The following RUBCN variants were observed in gnomAD, a reference collection of about 807,000 sequenced individuals.
RUBCN encodes the protein run domain Beclin-1-interacting and cysteine-rich domain-containing protein.
RUBCN carries 74 observed loss-of-function variants against 113.2 expected under a neutral mutation model. The observed-to-expected ratio is 0.65, with a 90% confidence interval of 0.54 to 0.79. The LOEUF (loss-of-function observed/expected upper bound fraction) is 0.79, where lower values mean the gene tolerates loss of function less well. Ranked by LOEUF, RUBCN falls within the 30% of genes least tolerant of loss-of-function variation. The probability of loss-of-function intolerance (pLI) is 0.00; values close to 1 mark genes in which losing one functional copy is unlikely to be tolerated. For synonymous variants in RUBCN, 480 were observed against 490.0 expected (o/e 0.98, Z 0.27); for missense variants, 1,109 against 1,251.7 (o/e 0.89, Z 1.72).
intron 2 of RUBCN, among the ~76,000 whole-genome samples, chr3:197,709,713 G>A (rs1724741663): frequency 6.6e-6 from 1 of 152,026 alleles, no homozygotes; most frequent in South Asian, 2.1e-4. Flanking sequence ...GAGTGGTGAT[G>A]GCAAATAAAC....
chr3:197,670,527 CT>C lies in RUBCN; in HGVS notation c.*4490del, dbSNP rs1452287145. On this transcript the variant is annotated 3_prime_UTR_variant, in exon 20 of 20. Transcript: ENST00000296343. ...GTTTGGGAACTTACTGGAAATCAAG[CT>C]TTGGCTTCCTGTGAACTACACCAGT... 6.6e-6 allele frequency among the ~76,000 whole-genome samples: 1 copy of C among 152,298 alleles called. No individual in the cohort carries two copies. The highest frequency in any genetic ancestry group is 1.9e-4 in the East Asian group (1 of 5,182).
Position 197,670,071 on chromosome 3 carries a change from T to C in RUBCN, c.*4947A>G, listed in dbSNP as rs1719641832. ...GCCCAACTAGCTTTTGTATTTTTAG[T>C]AGAGACAAGGTTTCACCATGTTGGC... On this transcript the variant is annotated 3_prime_UTR_variant, in exon 20 of 20. Coordinates refer to ENST00000296343, the MANE Select transcript of RUBCN (RefSeq NM_014687.4). Among the ~76,000 whole-genome samples, 1 of 152,178 alleles carries C rather than the reference T, an allele frequency of 6.6e-6. No homozygotes were observed. Among genetic ancestry groups the C allele is most frequent in the South Asian group, 2.1e-4 (1 of 4,836 alleles).
At chr3:197,703,740 G>T in intron 4 of RUBCN, 86 bp from the exon 5 acceptor site, 1 of 802,490 alleles carries the variant, frequency 1.2e-6, no homozygotes. Flanking sequence ...GAGAGGTAAG[G>T]ATGAATGAGG....
chr3:197,725,431 G>T (rs1384994592), intron 1 of RUBCN, among the ~76,000 whole-genome samples: 1 of 150,822 alleles, frequency 6.6e-6, no homozygotes, highest in Admixed American at 6.6e-5. Context: ...AAACATACTT[G>T]ACTCTCTTAT....
chr3:197,736,823 G>A lies in RUBCN; in HGVS notation c.-104C>T. The A allele has an allele frequency of 7.0e-7, 1 of 1,432,190 alleles. No homozygotes were observed. The highest frequency in any genetic ancestry group is 2.8e-5 in the Admixed American group (1 of 35,932). 88.7% of individuals were successfully genotyped at this position (1,432,190 alleles called of 1,614,324 possible). On this transcript the variant is annotated 5_prime_UTR_variant, in exon 1 of 20. Coordinates refer to ENST00000296343, the MANE Select transcript of RUBCN (RefSeq NM_014687.4). ...GGGCCGGAGGAGGCACCTGCGGCCG[G>A]TGGGCTCCGGGTGATGCGCTACACC... is the stretch of plus-strand genomic sequence containing the variant.
At chr3:197,693,955 T>G (rs114263177) in intron 10 of RUBCN, 139 bp from the exon 11 acceptor site, 1 of 674,372 alleles carries the variant, frequency 1.5e-6, no homozygotes, top group South Asian at 1.6e-5. Flanking sequence ...TTCAAGTAAA[T>G]AGAAGGTACT....
chr3:197,732,406 C>T lies in RUBCN; in HGVS notation c.65+4249G>A, dbSNP rs181460784. 8.4e-4 allele frequency among the ~76,000 whole-genome samples: 128 copies of T among 152,274 alleles called. 1 individual carries two copies. The highest frequency in any genetic ancestry group is 2.6e-3 in the African/African-American group (108 of 41,558). The stretch of plus-strand genomic sequence containing the variant: ...TCGGCTCACTGCAAGCTCCGCCTCC[C>T]GGGTTCACGCCATTCTCCTGCCTCA... On this transcript the variant is annotated intron_variant, in intron 1 of 19. Coordinates refer to ENST00000296343, the MANE Select transcript of RUBCN (RefSeq NM_014687.4).
intron 1 of RUBCN, among the ~76,000 whole-genome samples, chr3:197,745,100 C>T (rs1293996516): frequency 6.6e-6 from 1 of 150,998 alleles, no homozygotes; most frequent in Non-Finnish European, 1.5e-5. Context: ...TCCTGGCCAA[C>T]ATGGTGAAAC....
intron 1 of RUBCN, among the ~76,000 whole-genome samples, chr3:197,722,872 G>C (rs1435203702): frequency 6.6e-6 from 1 of 152,128 alleles, no homozygotes; most frequent in Non-Finnish European, 1.5e-5. Flanking sequence ...ATTCTTGGAA[G>C]CAGCATACGG....
chr3:197,736,744 G>T lies in RUBCN; in HGVS notation c.-25C>A. On this transcript the variant is annotated 5_prime_UTR_variant, in exon 1 of 20. Coordinates refer to ENST00000296343, the MANE Select transcript of RUBCN (RefSeq NM_014687.4). ...TCCGGGGCGGTGAGGCCGCCTCTTC[G>T]CCCAAGAGAGGCGTCCCTGCCGCTT... The T allele has an allele frequency of 6.5e-7, 1 of 1,527,740 alleles. No homozygotes were observed. The highest frequency in any genetic ancestry group is 8.7e-7 in the Non-Finnish European group (1 of 1,144,204). The allele number at this position is 1,527,740 out of a possible 1,614,324, so 94.6% of individuals were successfully genotyped here. A position where few individuals can be genotyped will look rare whatever the true frequency, so the allele number is the denominator to read the frequency against.
At chr3:197,701,251 G>A (rs1452025703) in intron 6 of RUBCN, 105 bp from the exon 7 acceptor site, 3 of 1,040,496 alleles carry the variant, frequency 2.9e-6, no homozygotes, top group Non-Finnish European at 4.1e-6. Flanking sequence ...CTCAGAAACG[G>A]CAAGCCAAAT....
chr3:197,717,835 C>T (rs1725715626), intron 2 of RUBCN, 142 bp downstream of exon 2: 3 of 841,114 alleles, frequency 3.6e-6, no homozygotes, highest in Non-Finnish European at 5.9e-6. Flanking sequence ...GTGAAACGTT[C>T]TGTATATTAA....
At chr3:197,749,782 G>A, upstream of RUBCN, 1 of 541,054 alleles carries the variant, frequency 1.8e-6, no homozygotes, top group Non-Finnish European at 3.4e-6. Flanking sequence ...AGCGAGTCAC[G>A]GCGCGGGGCC....
At chr3:197,700,498 G>T in intron 7 of RUBCN, 115 bp downstream of exon 7, 1 of 946,266 alleles carries the variant, frequency 1.1e-6, no homozygotes, top group Non-Finnish European at 1.7e-6. Context: ...ATAAGATGTT[G>T]TATCACCAGA....
Position 197,674,851 on chromosome 3 carries a change from TG to T in RUBCN, c.*166del. ...CTGGACCCATCAACCTGCCGACGGC[TG>T]ACTGCACACAGACGTCAGACAAGTC... is the stretch of plus-strand genomic sequence containing the variant. On this transcript the variant is annotated 3_prime_UTR_variant, in exon 20 of 20. Coordinates refer to ENST00000296343, the MANE Select transcript of RUBCN (RefSeq NM_014687.4). 2 of 580,600 alleles carry T rather than the reference TG, an allele frequency of 3.4e-6. No homozygotes were observed. The highest frequency in any genetic ancestry group is 2.6e-5 in the South Asian group (1 of 38,664). The allele number at this position is 580,600 out of a possible 1,614,324, so 36.0% of individuals were successfully genotyped here.
chr3:197,740,977 A>G (rs1728503765), upstream of RUBCN, among the ~76,000 whole-genome samples: 1 of 152,174 alleles, frequency 6.6e-6, no homozygotes, highest in South Asian at 2.1e-4. Context: ...AAATTGTCTA[A>G]CAACAACTAA....
chr3:197,711,796 G>A (rs1238539824), intron 2 of RUBCN, among the ~76,000 whole-genome samples: 2 of 151,934 alleles, frequency 1.3e-5, no homozygotes, highest in Admixed American at 6.6e-5. Flanking sequence ...ATCTAGCTAC[G>A]TAAAATACAG....
At chr3:197,748,540 C>T (rs899300895) in intron 1 of RUBCN, 3 of 152,118 alleles carry the variant, frequency 2.0e-5, no homozygotes, top group African/African-American at 7.2e-5. Context: ...ATACATTTCC[C>T]CAAGATAAGA....
chr3:197,706,876 A>G (rs1193599880), intron 2 of RUBCN, among the ~76,000 whole-genome samples: 2 of 152,150 alleles, frequency 1.3e-5, no homozygotes, highest in Non-Finnish European at 2.9e-5. Flanking sequence ...GAAATGTCAG[A>G]TGTGCAGGCT....
Sources: allele counts gnomAD v4.1 joint callset (sites outside exome capture counted in the v4.1 genomes callset), GRCh38; gene constraint gnomAD v4.1.1; transcripts MANE v1.5; gene names NCBI Gene and HGNC (gene_info 2026-07-23, HGNC 2026-07-21).